Variants in STAT5B observed in about 807,000 individuals in gnomAD.
STAT5B encodes signal transducer and activator of transcription 5B.
A neutral mutation model predicts 107.8 loss-of-function variants in STAT5B; 21 were observed. The observed-to-expected ratio is 0.19, with a 90% CI of 0.14 to 0.28. The LOEUF is 0.28. Among genes scored for constraint, STAT5B ranks in the 10% least tolerant of loss-of-function variants. The pLI is 1.00. For missense variants in STAT5B, 565 were observed against 1,008.2 expected, an observed-to-expected ratio of 0.56 and a Z score of 5.95; for synonymous variants, 325 against 401.7, an observed-to-expected ratio of 0.81 and a Z score of 2.28.
chr17:42,218,013 T>G (rs2080188020), intron 9 of STAT5B, 138 bp downstream of exon 9: 2 of 1,460,320 alleles, frequency 1.4e-6, no homozygotes, highest in African/African-American at 1.4e-5. Context: ...GCCCAAGAAC[T>G]TCCTTATATT....
intron 1 of STAT5B, among the ~76,000 whole-genome samples, chr17:42,243,926 C>T (rs1293249807): frequency 4.3e-5 from 4 of 92,970 alleles, no homozygotes; most frequent in Admixed American, 1.7e-4. Context: ...AATGGATTTG[C>T]GATCCCTTTG....
At chr17:42,211,499 T>C (rs547453517) in intron 13 of STAT5B, among the ~76,000 whole-genome samples, 1 of 151,382 alleles carries the variant, frequency 6.6e-6, no homozygotes, top group South Asian at 2.1e-4. Context: ...AGAGCGAAAC[T>C]CTGTCTCAAA....
intron 18 of STAT5B, 176 bp downstream of exon 18, chr17:42,202,164 C>A (rs1458961280): frequency 1.3e-6 from 1 of 752,706 alleles, no homozygotes; most frequent in African/African-American, 1.8e-5. Context: ...CGACTCTAAA[C>A]CACCAATCAC....
At chr17:42,228,218 T>C (rs2080289956) in intron 2 of STAT5B, among the ~76,000 whole-genome samples, 1 of 152,130 alleles carries the variant, frequency 6.6e-6, no homozygotes, top group Non-Finnish European at 1.5e-5. Flanking sequence ...AGGCAGAGGG[T>C]GCCTACAAGA....
At chr17:42,270,018 T>C (rs951018913) in intron 1 of STAT5B, among the ~76,000 whole-genome samples, 21 of 152,058 alleles carry the variant, frequency 1.4e-4, no homozygotes, top group Admixed American at 1.2e-3. Flanking sequence ...GAGACCAGCC[T>C]GGCCAACATG....
intron 12 of STAT5B, 119 bp downstream of exon 12, chr17:42,215,895 T>A: frequency 4.3e-6 from 5 of 1,160,288 alleles, no homozygotes; most frequent in Non-Finnish European, 6.2e-6. Context: ...GTGCTGGGAT[T>A]ACAAGTGTGA....
At chr17:42,253,955 G>A (rs1041413925) in intron 1 of STAT5B, among the ~76,000 whole-genome samples, 2 of 152,034 alleles carry the variant, frequency 1.3e-5, no homozygotes, top group East Asian at 1.9e-4. Flanking sequence ...TATGGGCTTC[G>A]GCCTAAACTC....
At chr17:42,230,173 G>GT (rs961436663) in intron 2 of STAT5B, among the ~76,000 whole-genome samples, 13 of 151,608 alleles carry the variant, frequency 8.6e-5, no homozygotes, top group Non-Finnish European at 1.3e-4. Flanking sequence ...ATGAAGTTGA[G>GT]TTTTTTTTTA....
chr17:42,223,463 C>A lies in STAT5B; in HGVS notation c.469G>T (p.Asp157Tyr), dbSNP rs1334236273. The part of the protein sequence containing the change: ...TFEELRLVTQ[D>Y]TENELKKLQQ... The stretch of plus-strand genomic sequence containing the variant: ...AGCTTTTTTAACTCATTCTCTGTGT[C>A]CTGCGTGACCAGTCGCAGCTCCTCA... Residue 157 changes from aspartate (D) to tyrosine (Y), a missense_variant, in exon 5 of 19, where the codon GAC (aspartate) becomes TAC (tyrosine). Asp to Tyr is a radical substitution (Grantham distance 160, BLOSUM62 -3). Around this residue, in one of 11 missense-constraint regions of STAT5B, gnomAD observed 54 missense variants for 49.7 expected, o/e 1.09. Coordinates refer to ENST00000293328, the MANE Select transcript of STAT5B (RefSeq NM_012448.4). The A allele has an allele frequency of 6.2e-7, 1 of 1,614,134 alleles. No homozygotes were observed. Among genetic ancestry groups the A allele is most frequent in the Non-Finnish European group, 8.5e-7 (1 of 1,180,034 alleles).
upstream of STAT5B, among the ~76,000 whole-genome samples, chr17:42,278,713 G>A (rs2080782699): frequency 6.6e-6 from 1 of 152,134 alleles, no homozygotes; most frequent in Non-Finnish European, 1.5e-5. Context: ...GGGCACGGTG[G>A]CTCACGCCTG....
chr17:42,266,325 T>G (rs1310652137), intron 1 of STAT5B, among the ~76,000 whole-genome samples: 2 of 151,734 alleles, frequency 1.3e-5, no homozygotes, highest in Non-Finnish European at 2.9e-5. Flanking sequence ...CTCAGGACTT[T>G]GAGACCAGCC....
At position 42,263,932 on chromosome 17, in the gene STAT5B, G is replaced by T. The variant is rs191880791; in HGVS notation, c.-11+12316C>A. Among the ~76,000 whole-genome samples, 1,480 of 150,258 alleles carry T rather than the reference G, an allele frequency of 9.8e-3. 18 individuals carry two copies. The highest frequency in any genetic ancestry group is 0.035 in the African/African-American group (1,412 of 40,752). ...ACACAGGGAACTCCACGACCCAGAA[G>T]AAATCTTTTTTCAGCGCCTGTTCTT... is the stretch of plus-strand genomic sequence containing the variant. On this transcript the variant is annotated intron_variant, in intron 1 of 18. Coordinates refer to ENST00000293328, the MANE Select transcript of STAT5B (RefSeq NM_012448.4).
At chr17:42,237,165 G>T (rs1429212382) in intron 1 of STAT5B, among the ~76,000 whole-genome samples, 1 of 152,158 alleles carries the variant, frequency 6.6e-6, no homozygotes, top group Non-Finnish European at 1.5e-5. Context: ...AAGGCATAAA[G>T]CACCTACCTC....
Position 42,201,524 on chromosome 17 carries a change from GCACACACACACA to G in STAT5B, c.*202_*213del, listed in dbSNP as rs57573850. ...GAGAAACACCATAACGTGCAAACACGCACACACACACACACACACACACACACACAAACACAT... is the reference window on the plus strand; with the variant it reads ...GAGAAACACCATAACGTGCAAACACGCACACACACACACACACAAACACAT... On this transcript the variant is annotated 3_prime_UTR_variant, in exon 19 of 19. Transcript: ENST00000293328. 8.3e-5 allele frequency: 51 copies of G among 617,318 alleles called. No individual in the cohort carries two copies. The highest frequency in any genetic ancestry group is 2.4e-4 in the South Asian group (13 of 54,112). The allele number at this position is 617,318 out of a possible 1,614,324, so 38.2% of individuals were successfully genotyped here. A position where few individuals can be genotyped will look rare whatever the true frequency, so the allele number is the denominator to read the frequency against.
At chr17:42,218,642 G>A (rs1310955540) in intron 8 of STAT5B, 81 bp downstream of exon 8, 58 of 1,609,362 alleles carry the variant, frequency 3.6e-5, no homozygotes, top group Non-Finnish European at 4.7e-5. Flanking sequence ...GGATCTGCTG[G>A]TCTGGAAGGC....
intron 15 of STAT5B, among the ~76,000 whole-genome samples, 200 bp downstream of exon 15, chr17:42,209,971 A>G (rs2057334035): frequency 6.6e-6 from 1 of 152,214 alleles, no homozygotes; most frequent in South Asian, 2.1e-4. Context: ...ACTTTCATGT[A>G]TAACCAAATT....
intron 16 of STAT5B, among the ~76,000 whole-genome samples, chr17:42,204,866 C>T (rs753458064): frequency 3.3e-5 from 5 of 152,022 alleles, no homozygotes; most frequent in African/African-American, 4.8e-5. Context: ...CTTCCTCCTC[C>T]GCCTTCTAAT....
intron 1 of STAT5B, among the ~76,000 whole-genome samples, chr17:42,275,789 C>T (rs1262620139): frequency 6.6e-6 from 1 of 151,998 alleles, no homozygotes; most frequent in Non-Finnish European, 1.5e-5. Flanking sequence ...CACCAGGCAC[C>T]CCCGCAGGCT....
intron 1 of STAT5B, among the ~76,000 whole-genome samples, chr17:42,256,480 T>C (rs1245528986): frequency 6.6e-6 from 1 of 152,212 alleles, no homozygotes; most frequent in Non-Finnish European, 1.5e-5. Flanking sequence ...TAAAGGGGAA[T>C]ACAATAGTCT....
Sources: gnomAD v4.1 joint callset for allele counts (sites outside exome capture counted in the v4.1 genomes callset) on GRCh38, gnomAD v4.1.1 for gene constraint, gnomAD v4.1.1 regional missense constraint, MANE v1.5 for transcripts, NCBI Gene and HGNC (gene_info 2026-07-23, HGNC 2026-07-21) for gene names.